Variants in RORA observed in about 807,000 individuals in gnomAD.
The protein encoded by RORA is RAR related orphan receptor A.
A neutral mutation model predicts 69.5 loss-of-function variants in RORA; 7 were observed. That is an observed-to-expected ratio of 0.10 (90% confidence interval 0.06 to 0.19). RORA has a LOEUF of 0.19. RORA is among the 10% of genes least tolerant of loss of function. RORA has a pLI of 1.00. For missense variants in RORA, 457 were observed against 663.0 expected (o/e 0.69, Z 3.41); for synonymous variants, 261 against 240.8 (o/e 1.08, Z -0.78).
At chr15:61,164,442 A>G (rs1265961387) in intron 1 of RORA, among the ~76,000 whole-genome samples, 2 of 152,248 alleles carry the variant, frequency 1.3e-5, no homozygotes, top group African/African-American at 4.8e-5. Flanking sequence ...TTTTTTATCA[A>G]GAATAGTAAC....
intron 1 of RORA, among the ~76,000 whole-genome samples, chr15:60,783,483 G>C (rs951741875): frequency 2.5e-4 from 38 of 152,034 alleles, no homozygotes; most frequent in African/African-American, 8.2e-4. Context: ...CTCCCAAACA[G>C]TATTTTTTGT....
intron 1 of RORA, among the ~76,000 whole-genome samples, chr15:60,959,266 A>G (rs1206575767): frequency 6.6e-6 from 1 of 152,198 alleles, no homozygotes; most frequent in African/African-American, 2.4e-5. Flanking sequence ...ACTGACCCAA[A>G]GAGATCTAAC....
At chr15:60,980,370 A>C (rs1241617006) in intron 1 of RORA, among the ~76,000 whole-genome samples, 1 of 152,108 alleles carries the variant, frequency 6.6e-6, no homozygotes, top group East Asian at 1.9e-4. Context: ...TTCTGGTTTA[A>C]GTATCAGGGT....
intron 1 of RORA, among the ~76,000 whole-genome samples, chr15:61,066,725 G>A (rs556688833): frequency 3.3e-5 from 5 of 151,944 alleles, no homozygotes; most frequent in African/African-American, 7.2e-5. Flanking sequence ...ACTATGCCCC[G>A]CTGGCATGTT....
At chr15:60,554,504 A>C (rs1469749645) in intron 2 of RORA, among the ~76,000 whole-genome samples, 1 of 152,242 alleles carries the variant, frequency 6.6e-6, no homozygotes, top group African/African-American at 2.4e-5. Flanking sequence ...AAAAATAGCT[A>C]GAATTAATTA....
chr15:60,908,242 T>G (rs1236730633), intron 1 of RORA, among the ~76,000 whole-genome samples: 3 of 152,202 alleles, frequency 2.0e-5, no homozygotes, highest in East Asian at 3.8e-4. Context: ...CCGTAGGGTG[T>G]GTGTGGAGGG....
rs189779465 is a variant in RORA at position 61,052,049 on chromosome 15, C to T, written c.166+177004G>A. On this transcript the variant is annotated intron_variant, in intron 1 of 10. Coordinates refer to ENST00000335670, the MANE Select transcript of RORA (RefSeq NM_134261.3). ...TTTCTAAACTAAATAGAAATGCTATCGTCTGCAGTCAGAAACAGAAAAGAC... is the reference window on the plus strand; with the variant it reads ...TTTCTAAACTAAATAGAAATGCTATTGTCTGCAGTCAGAAACAGAAAAGAC... 5.3e-5 allele frequency among the ~76,000 whole-genome samples: 8 copies of T among 152,350 alleles called. No homozygotes were observed. In the East Asian group the frequency reaches 7.7e-4, roughly 15 times the overall value.
At chr15:60,902,747 C>T (rs759511276) in intron 1 of RORA, among the ~76,000 whole-genome samples, 5 of 152,182 alleles carry the variant, frequency 3.3e-5, no homozygotes, top group Non-Finnish European at 5.9e-5. Context: ...AAAATACTCC[C>T]ACCGTGGTTG....
At chr15:60,728,053 C>A (rs560971648) in intron 1 of RORA, among the ~76,000 whole-genome samples, 2 of 152,308 alleles carry the variant, frequency 1.3e-5, no homozygotes, top group South Asian at 4.1e-4. Flanking sequence ...AGTATTTTTC[C>A]TCTGTATCAA....
chr15:61,068,608 T>G (rs2078296949), intron 1 of RORA, among the ~76,000 whole-genome samples: 2 of 152,196 alleles, frequency 1.3e-5, no homozygotes, highest in Non-Finnish European at 1.5e-5. Context: ...GCAGAGTAGG[T>G]GGTTGCACAA....
chr15:60,885,320 T>A (rs987013836), intron 1 of RORA, among the ~76,000 whole-genome samples: 1 of 152,012 alleles, frequency 6.6e-6, no homozygotes, highest in Admixed American at 6.6e-5. Context: ...AAACATGGAG[T>A]GTGCAGTTGA....
At chr15:60,958,960 C>T (rs1405877351) in intron 1 of RORA, among the ~76,000 whole-genome samples, 2 of 152,158 alleles carry the variant, frequency 1.3e-5, no homozygotes, top group Non-Finnish European at 2.9e-5. Flanking sequence ...GCAAGAGTCC[C>T]AGCAACCAAC....
At chr15:60,522,409 T>C (rs1160491686) in intron 3 of RORA, among the ~76,000 whole-genome samples, 2 of 152,154 alleles carry the variant, frequency 1.3e-5, no homozygotes, top group African/African-American at 4.8e-5. Flanking sequence ...TGCTTTATTG[T>C]CTAGATTTAA....
chr15:60,882,815 A>C (rs150493910), intron 1 of RORA, among the ~76,000 whole-genome samples: 1 of 152,284 alleles, frequency 6.6e-6, no homozygotes, highest in East Asian at 1.9e-4. Context: ...TTTGCTTTAC[A>C]ATAAGTACTT....
chr15:60,992,316 G>A (rs1349611451), intron 1 of RORA, among the ~76,000 whole-genome samples: 2 of 152,182 alleles, frequency 1.3e-5, no homozygotes. Context: ...GAGCTATGAT[G>A]AAGTTAACCT....
At chr15:60,844,005 T>C (rs1028124548) in intron 1 of RORA, among the ~76,000 whole-genome samples, 3 of 152,112 alleles carry the variant, frequency 2.0e-5, no homozygotes, top group African/African-American at 7.2e-5. Context: ...ACTTTTTTTT[T>C]GGTTATTCTC....
intron 1 of RORA, among the ~76,000 whole-genome samples, chr15:60,743,335 C>T (rs916248610): frequency 5.9e-5 from 9 of 152,132 alleles, no homozygotes; most frequent in African/African-American, 9.7e-5. Context: ...TGACTCATGA[C>T]TGATACTGGT....
At chr15:61,074,872 G>C (rs2078425350) in intron 1 of RORA, among the ~76,000 whole-genome samples, 1 of 151,854 alleles carries the variant, frequency 6.6e-6, no homozygotes, top group South Asian at 2.1e-4. Context: ...GTATCACTTG[G>C]GGTCACGAGT....
At chr15:61,126,174 A>G (rs2079140953) in intron 1 of RORA, among the ~76,000 whole-genome samples, 1 of 152,150 alleles carries the variant, frequency 6.6e-6, no homozygotes, top group South Asian at 2.1e-4. Context: ...CCACACCCTA[A>G]AATCATCAAA....
Sources: allele counts gnomAD v4.1 joint callset (sites outside exome capture counted in the v4.1 genomes callset), GRCh38; gene constraint gnomAD v4.1.1; transcripts MANE v1.5; gene names NCBI Gene and HGNC (gene_info 2026-07-23, HGNC 2026-07-21).